UBR3: variants seen among roughly 807,000 people sequenced by gnomAD.
UBR3 encodes ubiquitin protein ligase E3 component n-recognin 3.
UBR3 carries 85 observed loss-of-function variants against 243.2 expected under a neutral mutation model. The observed-to-expected ratio is 0.35, with a 90% CI of 0.29 to 0.42. UBR3 has a LOEUF of 0.42. Among genes scored for constraint, UBR3 ranks in the 10% least tolerant of loss-of-function variants. The pLI, the probability that UBR3 is intolerant of heterozygous loss-of-function variation, is 1.00. For missense variants in UBR3, 1,686 were observed against 2,300.8 expected, an observed-to-expected ratio of 0.73 and a Z score of 5.47; for synonymous variants, 748 against 799.8, an observed-to-expected ratio of 0.94 and a Z score of 1.09.
intron 24 of UBR3, among the ~76,000 whole-genome samples, chr2:169,960,513 A>G (rs535233669): frequency 6.6e-6 from 1 of 152,102 alleles, no homozygotes; most frequent in Non-Finnish European, 1.5e-5. Flanking sequence ...AAGAGGGTTT[A>G]GTTTATTGAC....
intron 5 of UBR3, among the ~76,000 whole-genome samples, chr2:169,885,484 A>G (rs952089894): frequency 2.0e-5 from 3 of 152,254 alleles, no homozygotes; most frequent in East Asian, 1.9e-4. Flanking sequence ...AGGTTGAGGC[A>G]GGAGGATCAC....
At chr2:169,850,203 G>A (rs1216765547) in intron 1 of UBR3, among the ~76,000 whole-genome samples, 5 of 136,230 alleles carry the variant, frequency 3.7e-5, no homozygotes, top group South Asian at 4.7e-4. Context: ...TTTTGAGACA[G>A]GGTCTCACTC....
At chr2:169,981,490 C>T (rs946917459) in intron 24 of UBR3, among the ~76,000 whole-genome samples, 14 of 152,116 alleles carry the variant, frequency 9.2e-5, no homozygotes, top group Non-Finnish European at 1.9e-4. Context: ...CTGGATACTA[C>T]TCCTCAAAAC....
chr2:169,963,015 C>A (rs142604488), intron 24 of UBR3, among the ~76,000 whole-genome samples: 1 of 152,264 alleles, frequency 6.6e-6, no homozygotes, highest in East Asian at 1.9e-4. Context: ...TGCTCTAGGT[C>A]AGAGCGCCCA....
At chr2:169,926,997 AT>A (rs1198682836) in intron 16 of UBR3, 26 bp downstream of exon 16, 4 of 1,537,782 alleles carry the variant, frequency 2.6e-6, no homozygotes, top group Non-Finnish European at 3.5e-6. Flanking sequence ...ACTAATACTT[AT>A]GCATTAACTG....
intron 1 of UBR3, among the ~76,000 whole-genome samples, chr2:169,856,081 G>T (rs1341095932): frequency 1.2e-4 from 18 of 151,382 alleles, no homozygotes; most frequent in African/African-American, 4.4e-4. Context: ...CAGACGGGGC[G>T]GCTGCCGGGC....
At chr2:169,855,518 C>G (rs2082808014) in intron 1 of UBR3, among the ~76,000 whole-genome samples, 1 of 151,790 alleles carries the variant, frequency 6.6e-6, no homozygotes, top group African/African-American at 2.4e-5. Flanking sequence ...TGTTTGTGTC[C>G]CTGGGTACTT....
intron 30 of UBR3, among the ~76,000 whole-genome samples, chr2:170,026,910 A>C (rs900110247): frequency 1.3e-5 from 2 of 152,042 alleles, no homozygotes; most frequent in Admixed American, 6.6e-5. Context: ...TTTGCTGCTA[A>C]ATGAATATTA....
intron 1 of UBR3, among the ~76,000 whole-genome samples, chr2:169,846,703 C>G (rs2082490766): frequency 7.1e-6 from 1 of 141,718 alleles, no homozygotes; most frequent in Non-Finnish European, 1.5e-5. Context: ...GGGCAAGACT[C>G]TGTCTCAAAA....
intron 30 of UBR3, among the ~76,000 whole-genome samples, chr2:170,023,547 T>A (rs2090447997): frequency 6.6e-6 from 1 of 152,010 alleles, no homozygotes; most frequent in African/African-American, 2.4e-5. Context: ...GTAGCTGGGA[T>A]TACAGGCACC....
chr2:169,988,078 A>G (rs1193517415), intron 25 of UBR3, among the ~76,000 whole-genome samples: 1 of 152,248 alleles, frequency 6.6e-6, no homozygotes, highest in Non-Finnish European at 1.5e-5. Context: ...TGTCCAAATC[A>G]GAAATGCTTA....
intron 30 of UBR3, among the ~76,000 whole-genome samples, chr2:170,016,652 G>A (rs536386342): frequency 3.9e-5 from 6 of 151,934 alleles, no homozygotes; most frequent in East Asian, 3.9e-4. Flanking sequence ...TTACTTTAGC[G>A]AAGGGTTTTC....
intron 26 of UBR3, among the ~76,000 whole-genome samples, chr2:169,998,553 T>C (rs1219791083): frequency 6.6e-6 from 1 of 152,214 alleles, no homozygotes; most frequent in East Asian, 1.9e-4. Context: ...GCACATGCTA[T>C]GTGTGTTGTA....
intron 31 of UBR3, among the ~76,000 whole-genome samples, chr2:170,035,873 C>A (rs142601868): frequency 1.7e-5 from 2 of 119,690 alleles, no homozygotes; most frequent in Admixed American, 2.1e-4. Flanking sequence ...TAGATCTTTG[C>A]ATATTTTTTT....
At chr2:169,983,157 G>A (rs1409543871) in intron 24 of UBR3, among the ~76,000 whole-genome samples, 1 of 151,310 alleles carries the variant, frequency 6.6e-6, no homozygotes, top group Non-Finnish European at 1.5e-5. Flanking sequence ...TGTGCAAGGT[G>A]GAGTTGAGAG....
At chr2:169,838,387 T>TGTGTGTGTGTG (rs2082179340) in intron 1 of UBR3, among the ~76,000 whole-genome samples, 1 of 114,392 alleles carries the variant, frequency 8.7e-6, no homozygotes, top group African/African-American at 3.3e-5. Flanking sequence ...ATTAAGGCAT[T>TGTGTGTGTGTG]TGTGTGTGTG....
At chr2:169,838,679 G>A (rs1440135553) in intron 1 of UBR3, among the ~76,000 whole-genome samples, 1 of 152,090 alleles carries the variant, frequency 6.6e-6, no homozygotes, top group African/African-American at 2.4e-5. Context: ...CCCCCAAAAA[G>A]TTTATGTCCT....
chr2:170,074,515 T>C (rs1480269582), intron 36 of UBR3, among the ~76,000 whole-genome samples: 1 of 152,176 alleles, frequency 6.6e-6, no homozygotes, highest in African/African-American at 2.4e-5. Flanking sequence ...TCTCATCGTA[T>C]AGCCTCCCTC....
At chr2:169,840,677 G>C (rs763386260) in intron 1 of UBR3, among the ~76,000 whole-genome samples, 1 of 152,148 alleles carries the variant, frequency 6.6e-6, no homozygotes, top group Admixed American at 6.5e-5. Context: ...TGTGGACTCT[G>C]CTGCTGACCT....
Sources: allele counts gnomAD v4.1 joint callset (sites outside exome capture counted in the v4.1 genomes callset), GRCh38; gene constraint gnomAD v4.1.1; transcripts MANE v1.5; gene names NCBI Gene and HGNC (gene_info 2026-07-23, HGNC 2026-07-21).